CAST: variants seen among roughly 807,000 people sequenced by gnomAD.
CAST encodes the protein calpastatin.
CAST carries 76 observed loss-of-function variants against 119.6 expected under a neutral mutation model. That is an observed-to-expected ratio of 0.64 (90% confidence interval 0.53 to 0.77). CAST has a LOEUF of 0.77. Ranked by LOEUF, CAST falls within the 30% of genes least tolerant of loss-of-function variation. The pLI is 0.00. For synonymous variants in CAST, 319 were observed against 331.6 expected, an observed-to-expected ratio of 0.96 and a Z score of 0.41; for missense variants, 953 against 946.5, an observed-to-expected ratio of 1.01 and a Z score of -0.09.
At chr5:96,621,037 C>G (rs1463206121) in intron 1 of CAST, among the ~76,000 whole-genome samples, 2 of 152,120 alleles carry the variant, frequency 1.3e-5, no homozygotes, top group African/African-American at 4.8e-5. Flanking sequence ...TTTTCTTTCT[C>G]CTACCCCTCC....
chr5:96,218,040 G>T, the CAST span, among the ~76,000 whole-genome samples: 1 of 152,174 alleles, frequency 6.6e-6, no homozygotes, highest in Non-Finnish European at 1.5e-5. Context: ...GTTCTGGGGG[G>T]TGGCCTCTGA....
At chr5:96,196,302 A>G in the CAST span, among the ~76,000 whole-genome samples, 4 of 151,996 alleles carry the variant, frequency 2.6e-5, no homozygotes, top group Non-Finnish European at 5.9e-5. Context: ...TATTCTCATA[A>G]ACACATTTTT....
chr5:96,349,137 C>CTTTTTTTTTTTTTTTTT, the CAST span, among the ~76,000 whole-genome samples: 7 of 31,302 alleles, frequency 2.2e-4, no homozygotes, highest in African/African-American at 9.0e-4. Context: ...AACAAGGACA[C>CTTTTTTTTTTTTTTTTT]TATTTTTTTT....
chr5:96,191,163 G>A, the CAST span, among the ~76,000 whole-genome samples: 1,072 of 152,256 alleles, frequency 7.0e-3, 11 homozygotes, highest in African/African-American at 0.025. Context: ...CCAGTTTGCT[G>A]AGTATTTTAG....
the CAST span, among the ~76,000 whole-genome samples, chr5:96,184,958 T>C: frequency 3.4e-4 from 52 of 152,194 alleles, no homozygotes; most frequent in Non-Finnish European, 6.2e-4. Flanking sequence ...CTGAATTAAT[T>C]TACACTTCCA....
At chr5:96,650,167 C>T (rs1748073469) in intron 1 of CAST, among the ~76,000 whole-genome samples, 1 of 152,168 alleles carries the variant, frequency 6.6e-6, no homozygotes, top group South Asian at 2.1e-4. Context: ...ATTTCCTGGA[C>T]TCCCTTGTAA....
At chr5:96,350,801 C>G in the CAST span, among the ~76,000 whole-genome samples, 19 of 152,256 alleles carry the variant, frequency 1.2e-4, no homozygotes, top group African/African-American at 4.6e-4. Flanking sequence ...AGCACATTTC[C>G]TGACATCCAT....
intron 1 of CAST, among the ~76,000 whole-genome samples, chr5:96,653,273 C>T (rs190689742): frequency 6.6e-6 from 1 of 152,330 alleles, no homozygotes; most frequent in Non-Finnish European, 1.5e-5. Flanking sequence ...TTATGCCAGA[C>T]ATGTGTTTTT....
intron 1 of CAST, among the ~76,000 whole-genome samples, chr5:96,664,662 A>G (rs1749091623): frequency 6.6e-6 from 1 of 152,226 alleles, no homozygotes; most frequent in Admixed American, 6.5e-5. Flanking sequence ...CATGTGTAAA[A>G]TAGAAATTAT....
intron 1 of CAST, among the ~76,000 whole-genome samples, chr5:96,621,457 G>A (rs1747601247): frequency 3.9e-5 from 6 of 152,216 alleles, no homozygotes. Context: ...TGGCAGAGGA[G>A]GCCTCAGGAA....
At chr5:96,076,745 T>C in the CAST span, among the ~76,000 whole-genome samples, 1 of 152,134 alleles carries the variant, frequency 6.6e-6, no homozygotes, top group Admixed American at 6.6e-5. Flanking sequence ...AGCTCAATGA[T>C]TGAAATTGGT....
At chr5:96,417,818 A>G in the CAST span, among the ~76,000 whole-genome samples, 1 of 152,232 alleles carries the variant, frequency 6.6e-6, no homozygotes, top group Non-Finnish European at 1.5e-5. Flanking sequence ...AACATACAGA[A>G]GGCAACTTAT....
At chr5:96,100,930 A>G in the CAST span, among the ~76,000 whole-genome samples, 2 of 152,142 alleles carry the variant, frequency 1.3e-5, no homozygotes, top group South Asian at 2.1e-4. Flanking sequence ...GTGTATATAT[A>G]TATGTATTTT....
the CAST span, among the ~76,000 whole-genome samples, chr5:96,440,965 C>G: frequency 1.3e-5 from 2 of 152,190 alleles, no homozygotes; most frequent in Non-Finnish European, 2.9e-5. Context: ...AACAGACCAC[C>G]TGGATTTGAT....
rs77185028 is a variant in CAST at position 96,736,234 on chromosome 5, G to A, written c.693G>A (p.Ser231=). 1,791 of 1,605,552 alleles carry A rather than the reference G, an allele frequency of 1.1e-3. 14 individuals carry two copies. The African/African-American group carries it at 0.022, about 19-fold the overall frequency. The change falls in exon 10 of 32, where the codon TCG becomes TCA. Residue 231 remains serine (S), a synonymous_variant. Coordinates refer to ENST00000675179, the MANE Select transcript of CAST (RefSeq NM_001750.7). ...VPVESKPDKP[S]GKSGMDAALD... is the part of the protein sequence containing the mutation. ...TTGAATCTAAACCGGATAAACCATCGGGAAAGGTATGAAGACAACAGTGTC... is the reference window on the plus strand; with the variant it reads ...TTGAATCTAAACCGGATAAACCATCAGGAAAGGTATGAAGACAACAGTGTC...
the CAST span, among the ~76,000 whole-genome samples, chr5:96,220,133 T>C: frequency 6.6e-6 from 1 of 152,204 alleles, no homozygotes; most frequent in African/African-American, 2.4e-5. Context: ...TCCTGGCTAA[T>C]GGGACGTGAG....
the CAST span, among the ~76,000 whole-genome samples, chr5:96,445,227 A>T: frequency 4.6e-5 from 7 of 152,092 alleles, no homozygotes; most frequent in Non-Finnish European, 8.8e-5. Flanking sequence ...TGACAAAGGG[A>T]TGGTTTTCTG....
At chr5:96,349,680 G>T in the CAST span, among the ~76,000 whole-genome samples, 2 of 152,116 alleles carry the variant, frequency 1.3e-5, no homozygotes, top group Non-Finnish European at 2.9e-5. Flanking sequence ...GGAAAATAAA[G>T]ACTAAAAAGT....
At chr5:96,296,341 T>A in the CAST span, among the ~76,000 whole-genome samples, 1 of 152,200 alleles carries the variant, frequency 6.6e-6, no homozygotes, top group Non-Finnish European at 1.5e-5. Flanking sequence ...GTCTGTTAAG[T>A]CCCTTTAAAA....
Sources: allele counts gnomAD v4.1 joint callset (sites outside exome capture counted in the v4.1 genomes callset), GRCh38; gene constraint gnomAD v4.1.1; transcripts MANE v1.5; gene names NCBI Gene and HGNC (gene_info 2026-07-23, HGNC 2026-07-21).